TMTC4: variants seen among roughly 807,000 people sequenced by gnomAD.
TMTC4 encodes transmembrane O-mannosyltransferase targeting cadherins 4.
TMTC4 carries 65 observed loss-of-function variants against 86.0 expected under a neutral mutation model. The ratio of observed to expected loss-of-function variants is 0.76; its 90% CI spans 0.62 to 0.93. The LOEUF is 0.93. Ranked by LOEUF, TMTC4 falls within the 40% of genes least tolerant of loss-of-function variation. TMTC4 has a pLI of 0.00. For missense variants in TMTC4, 866 were observed against 948.1 expected, an observed-to-expected ratio of 0.91 and a Z score of 1.14; for synonymous variants, 379 against 382.5, an observed-to-expected ratio of 0.99 and a Z score of 0.11.
chr13:100,664,875 T>A (rs977543922), intron 3 of TMTC4, among the ~76,000 whole-genome samples: 4 of 152,156 alleles, frequency 2.6e-5, no homozygotes, highest in African/African-American at 9.7e-5. Context: ...CTGGGCCACA[T>A]CTGGGTTTGC....
At chr13:100,632,205 T>C (rs1881547043) in intron 12 of TMTC4, among the ~76,000 whole-genome samples, 1 of 152,144 alleles carries the variant, frequency 6.6e-6, no homozygotes, top group South Asian at 2.1e-4. Flanking sequence ...ACATCACCTA[T>C]GTTCCATCCC....
In TMTC4 at chr13:100,604,248, G is replaced by A. The variant is rs1037489819; in HGVS notation, c.*746C>T. The A allele has an allele frequency of 6.6e-6, 1 of 152,596 alleles. No homozygotes were observed. The highest frequency in any genetic ancestry group is 2.4e-5 in the African/African-American group (1 of 41,434). 9.5% of individuals were successfully genotyped at this position (152,596 alleles called of 1,614,324 possible). On this transcript the variant is annotated 3_prime_UTR_variant, in exon 19 of 19. Transcript: ENST00000342624. ...TTGGATGTAACAAAAATAAAGATGT[G>A]AGGCTGCCTGCTCTTGCCTAAAGCA...
chr13:100,666,542 G>C (rs1415092828), intron 3 of TMTC4, among the ~76,000 whole-genome samples: 1 of 152,170 alleles, frequency 6.6e-6, no homozygotes, highest in African/African-American at 2.4e-5. Context: ...CTTCTTCCTG[G>C]CTGACCAACA....
intron 3 of TMTC4, 66 bp from the exon 4 acceptor site, chr13:100,664,402 A>AT: frequency 2.5e-6 from 3 of 1,179,370 alleles, no homozygotes; most frequent in Non-Finnish European, 3.6e-6. Context: ...AAGCTCCTCC[A>AT]TCTCTCACCT....
intron 5 of TMTC4, among the ~76,000 whole-genome samples, chr13:100,658,168 T>A (rs1885334292): frequency 6.6e-6 from 1 of 152,118 alleles, no homozygotes; most frequent in Non-Finnish European, 1.5e-5. Context: ...CACAGTAAAA[T>A]AGTCAGAGAT....
intron 1 of TMTC4, 99 bp from the exon 2 acceptor site, chr13:100,670,668 G>A (rs1886971588): frequency 3.0e-6 from 1 of 336,416 alleles, no homozygotes; most frequent in African/African-American, 2.1e-5. Flanking sequence ...ACAAATCAAG[G>A]CTGGTTGCAA....
Position 100,635,153 on chromosome 13 carries a change from G to C in TMTC4, c.1245C>G (p.Leu415=), listed in dbSNP as rs2138867838. The C allele has an allele frequency of 6.2e-7, 1 of 1,612,952 alleles. No individual in the cohort carries two copies. The highest frequency in any genetic ancestry group is 1.1e-5 in the South Asian group (1 of 90,878). The change falls in exon 11 of 19, where the codon CTC becomes CTG. Residue 415 remains leucine, a synonymous_variant. Coordinates refer to ENST00000342624, the MANE Select transcript of TMTC4 (RefSeq NM_032813.5). ...CTCGGAAGAACAGGTTACTCGCGGG[G>C]AGAAATGGGATAACGAGAAATCCCA... ...LGLGFLVIPF[L]PASNLFFRVG... is the part of the protein sequence containing the mutation.
chr13:100,656,524 T>A, intron 5 of TMTC4, 56 bp from the exon 6 acceptor site: 28 of 839,724 alleles, frequency 3.3e-5, no homozygotes, highest in Non-Finnish European at 4.2e-5. Context: ...AAGGAAATCC[T>A]AAACTTAGGA....
intron 15 of TMTC4, among the ~76,000 whole-genome samples, chr13:100,622,616 C>T (rs1245039808): frequency 6.6e-6 from 1 of 152,164 alleles, no homozygotes; most frequent in East Asian, 1.9e-4. Context: ...ATGTGCCTTT[C>T]ACCTTCCACC....
At chr13:100,655,016 ATT>A (rs35965658) in intron 6 of TMTC4, among the ~76,000 whole-genome samples, 70 of 118,624 alleles carry the variant, frequency 5.9e-4, no homozygotes, top group Middle Eastern at 4.9e-3. Flanking sequence ...CACAACGCCT[ATT>A]TTTTTTTTTT....
At chr13:100,652,186 CAAAA>C (rs985994674) in intron 6 of TMTC4, among the ~76,000 whole-genome samples, 2 of 151,094 alleles carry the variant, frequency 1.3e-5, no homozygotes, top group Admixed American at 1.3e-4. Context: ...AACAAACAAA[CAAAA>C]AAACCAGTGC....
intron 1 of TMTC4, chr13:100,674,320 GCGGCCAGCTGGCGGCCAGGCGC>G: frequency 2.0e-6 from 2 of 978,670 alleles, no homozygotes; most frequent in Non-Finnish European, 2.4e-6. Context: ...CGCCTGCGCC[GCGGCCAGCTGGCGGCCAGGCGC>G]GGGGCCCCGC....
At chr13:100,668,861 C>A in intron 2 of TMTC4, 67 bp from the exon 3 acceptor site, 1 of 1,460,058 alleles carries the variant, frequency 6.8e-7, no homozygotes, top group East Asian at 2.3e-5. Context: ...CAGTGGGCAC[C>A]GTGAGTAAGA....
intron 6 of TMTC4, among the ~76,000 whole-genome samples, chr13:100,645,401 G>T (rs1022033076): frequency 6.6e-6 from 1 of 152,158 alleles, no homozygotes; most frequent in Admixed American, 6.5e-5. Context: ...ACCCTCTCAG[G>T]CAGGTCTCTC....
intron 15 of TMTC4, among the ~76,000 whole-genome samples, chr13:100,618,595 T>C (rs926181454): frequency 2.0e-5 from 3 of 151,798 alleles, no homozygotes; most frequent in Non-Finnish European, 4.4e-5. Context: ...GATAAACAAG[T>C]GAACAAAGGT....
chr13:100,632,047 A>ACTCTCTCTCT (rs1471336365), intron 12 of TMTC4, among the ~76,000 whole-genome samples: 1 of 63,358 alleles, frequency 1.6e-5, no homozygotes, highest in African/African-American at 4.6e-5. Flanking sequence ...ACACACACAC[A>ACTCTCTCTCT]CACACACTCT....
Position 100,636,571 on chromosome 13 carries a change from A to G in TMTC4, c.1163T>C (p.Ile388Thr), listed in dbSNP as rs1882236714. ...GTCTTCAGAGCACAGGGCTTGGCAT[A>G]TCAGGCCAATTAGGCAGAACCAGAG... is the stretch of plus-strand genomic sequence containing the variant. Reference protein sequence around the residue: ...AALWFCLIGLICQALCSEDGH... With the variant: ...AALWFCLIGLTCQALCSEDGH... The change falls in exon 10 of 19, where the codon ATA becomes ACA. Residue 388 changes from isoleucine (I) to threonine (T), a missense_variant. By Grantham distance (89) the Ile-to-Thr change is moderately conservative (BLOSUM62 -1). Coordinates refer to ENST00000342624, the MANE Select transcript of TMTC4 (RefSeq NM_032813.5). The G allele has an allele frequency of 6.2e-7, 1 of 1,614,136 alleles. No homozygotes were observed. The highest frequency in any genetic ancestry group is 8.5e-7 in the Non-Finnish European group (1 of 1,180,060).
intron 15 of TMTC4, among the ~76,000 whole-genome samples, chr13:100,617,603 T>A (rs970829659): frequency 5.9e-5 from 9 of 151,720 alleles, no homozygotes; most frequent in Admixed American, 3.3e-4. Flanking sequence ...CCCATTGCTT[T>A]AAAAAAAAAT....
At chr13:100,610,669 G>A (rs958143457) in intron 17 of TMTC4, among the ~76,000 whole-genome samples, 2 of 152,198 alleles carry the variant, frequency 1.3e-5, no homozygotes, top group African/African-American at 2.4e-5. Flanking sequence ...GGGGGTGGGG[G>A]AGGAAGAACA....
Sources: allele counts gnomAD v4.1 joint callset (sites outside exome capture counted in the v4.1 genomes callset), GRCh38; gene constraint gnomAD v4.1.1; transcripts MANE v1.5; gene names NCBI Gene and HGNC (gene_info 2026-07-23, HGNC 2026-07-21).